GRID1: variants seen among roughly 807,000 people sequenced by gnomAD.
GRID1 encodes the protein glutamate receptor ionotropic, delta-1.
Under a neutral mutation model 98.0 loss-of-function variants are expected in GRID1, and 28 were observed. The ratio of observed to expected loss-of-function variants is 0.29; its 90% CI spans 0.21 to 0.39. GRID1 has a LOEUF of 0.39. GRID1 is among the 10% of genes least tolerant of loss of function. The pLI is 1.00. For missense variants in GRID1, 1,111 were observed against 1,340.5 expected, an observed-to-expected ratio of 0.83 and a Z score of 2.67; for synonymous variants, 553 against 538.5, an observed-to-expected ratio of 1.03 and a Z score of -0.37.
At chr10:86,031,883 C>A (rs1387681756) in intron 4 of GRID1, among the ~76,000 whole-genome samples, 2 of 152,200 alleles carry the variant, frequency 1.3e-5, no homozygotes, top group African/African-American at 2.4e-5. Context: ...AGAGTCTTTG[C>A]ACTGGCTGTT....
At chr10:86,154,860 C>T (rs1845222547) in intron 3 of GRID1, among the ~76,000 whole-genome samples, 1 of 152,110 alleles carries the variant, frequency 6.6e-6, no homozygotes, top group Admixed American at 6.5e-5. Context: ...GGGGACACCC[C>T]AGCAGTGCAC....
chr10:85,769,294 T>C (rs1842230132), intron 8 of GRID1, among the ~76,000 whole-genome samples: 1 of 152,106 alleles, frequency 6.6e-6, no homozygotes, highest in Admixed American at 6.5e-5. Context: ...CACTCATAAG[T>C]GGGAGATAAA....
At position 86,138,841 on chromosome 10, in the gene GRID1, C is replaced by T. The variant is rs781500570; in HGVS notation, c.704G>A (p.Gly235Glu). 6.2e-7 allele frequency: 1 copy of T among 1,614,146 alleles called. No homozygotes were observed. The highest frequency in any genetic ancestry group is 8.5e-7 in the Non-Finnish European group (1 of 1,179,998). ...TACCTCGTTGATGAAGGAGTGGGCT[C>T]CCTGTGGGCTGAGCAGCAGGATGGC... ...RRAILLLSPQ[G>E]AHSFINEAVE... Residue 235 changes from glycine (G) to glutamate (E), a missense_variant, in exon 4 of 16, where the codon GGA (glycine) becomes GAA (glutamate). By Grantham distance (98) the Gly-to-Glu change is moderately conservative. Coordinates refer to ENST00000327946, the MANE Select transcript of GRID1 (RefSeq NM_017551.3).
At position 86,252,704 on chromosome 10, in the gene GRID1, C is replaced by T. The variant is rs146669331; in HGVS notation, c.236-46056G>A. 4.7e-4 allele frequency among the ~76,000 whole-genome samples: 72 copies of T among 152,258 alleles called. 1 individual carries two copies. The East Asian group carries it at 0.013, about 28-fold the overall frequency. The stretch of plus-strand genomic sequence containing the variant: ...GACACCATCTGATGCCTACTGTGGT[C>T]GAGTGGTGGAAGGATGTATTTACAT... On this transcript the variant is annotated intron_variant, in intron 2 of 15. Coordinates refer to ENST00000327946, the MANE Select transcript of GRID1 (RefSeq NM_017551.3).
At chr10:85,760,696 A>G (rs561007878) in intron 8 of GRID1, among the ~76,000 whole-genome samples, 2 of 152,296 alleles carry the variant, frequency 1.3e-5, no homozygotes, top group South Asian at 4.1e-4. Context: ...CACGTTCTAT[A>G]GTGTCTCAAG....
chr10:85,701,485 A>C (rs1215213328), intron 12 of GRID1, among the ~76,000 whole-genome samples: 1 of 152,172 alleles, frequency 6.6e-6, no homozygotes, highest in Non-Finnish European at 1.5e-5. Context: ...TGGGGCAAAA[A>C]ACTCAAAAGA....
intron 4 of GRID1, among the ~76,000 whole-genome samples, chr10:85,950,382 G>C (rs1049995399): frequency 7.2e-5 from 11 of 152,292 alleles, no homozygotes; most frequent in African/African-American, 2.6e-4. Flanking sequence ...TAGCCAGAGA[G>C]GGTACAGCTC....
chr10:86,066,519 G>A (rs1843722389), intron 4 of GRID1, among the ~76,000 whole-genome samples: 1 of 152,196 alleles, frequency 6.6e-6, no homozygotes, highest in Admixed American at 6.5e-5. Flanking sequence ...ATAAGTGGCA[G>A]AGCTGAGGGA....
intron 4 of GRID1, among the ~76,000 whole-genome samples, chr10:86,118,744 T>C (rs536442923): frequency 3.3e-5 from 5 of 152,336 alleles, no homozygotes; most frequent in South Asian, 2.1e-4. Context: ...GTCATGTTAA[T>C]AGTAAGTACC....
At position 86,366,492 on chromosome 10, in the gene GRID1, C is replaced by G. The variant is rs1848683209; in HGVS notation, c.-100G>C. 2 of 669,360 alleles carry G rather than the reference C, an allele frequency of 3.0e-6. No individual in the cohort carries two copies. Among genetic ancestry groups the G allele is most frequent in the Non-Finnish European group, 4.2e-6 (2 of 477,032 alleles). The allele number at this position is 669,360 out of a possible 1,614,324, so 41.5% of individuals were successfully genotyped here. ...TCCCGGTGCAGTCCCGGGCCGCTCC[C>G]CGGGAGAGCCGAGCCCGCCCGTGCG... On this transcript the variant is annotated 5_prime_UTR_variant, in exon 1 of 16. Transcript: ENST00000327946. This position sits in a 1 kb window ranked among gnomAD's most constrained non-coding sequence, Gnocchi z 4.1.
At chr10:86,095,918 T>C (rs1844215096) in intron 4 of GRID1, among the ~76,000 whole-genome samples, 1 of 152,172 alleles carries the variant, frequency 6.6e-6, no homozygotes, top group Admixed American at 6.5e-5. Flanking sequence ...CACACACATG[T>C]TTATAGCAGC....
intron 8 of GRID1, among the ~76,000 whole-genome samples, chr10:85,827,738 G>C (rs1309344521): frequency 6.7e-6 from 1 of 150,370 alleles, no homozygotes; most frequent in East Asian, 1.9e-4. Flanking sequence ...GATTCAACAA[G>C]AAGACCTAAC....
At chr10:85,921,335 T>C (rs941180544) in intron 4 of GRID1, among the ~76,000 whole-genome samples, 1 of 152,174 alleles carries the variant, frequency 6.6e-6, no homozygotes, top group African/African-American at 2.4e-5. Flanking sequence ...CAGCTGTTCT[T>C]CCCACGTCTG....
chr10:85,650,866 G>A (rs1004100418), intron 12 of GRID1, among the ~76,000 whole-genome samples: 24 of 152,304 alleles, frequency 1.6e-4, no homozygotes, highest in African/African-American at 5.8e-4. Context: ...CCAAAAATAT[G>A]TAGGTGATGG....
At chr10:86,061,614 C>A (rs907489819) in intron 4 of GRID1, among the ~76,000 whole-genome samples, 1 of 152,132 alleles carries the variant, frequency 6.6e-6, no homozygotes, top group African/African-American at 2.4e-5. Context: ...GCTGCTGCTC[C>A]CCCAGACCCC....
At chr10:85,789,979 C>G (rs1842463725) in intron 8 of GRID1, among the ~76,000 whole-genome samples, 1 of 152,228 alleles carries the variant, frequency 6.6e-6, no homozygotes, top group Non-Finnish European at 1.5e-5. Context: ...ACCTGCTCTT[C>G]CATCTCCGGA....
chr10:86,008,034 C>G (rs1186569898), intron 4 of GRID1, among the ~76,000 whole-genome samples: 1 of 151,986 alleles, frequency 6.6e-6, no homozygotes, highest in Non-Finnish European at 1.5e-5. Flanking sequence ...GGGTAAGAGA[C>G]AGTGTATGGG....
At chr10:86,347,661 C>T (rs924323507) in intron 2 of GRID1, among the ~76,000 whole-genome samples, 1 of 152,208 alleles carries the variant, frequency 6.6e-6, no homozygotes, top group Admixed American at 6.5e-5. Context: ...GAGGCAGAGT[C>T]CTGTGGATAC....
intron 8 of GRID1, among the ~76,000 whole-genome samples, chr10:85,788,034 T>C (rs1047326664): frequency 2.0e-5 from 3 of 148,074 alleles, no homozygotes; most frequent in Admixed American, 1.4e-4. Context: ...TCGGTCACCC[T>C]CTGGAGACTA....
Sources: gnomAD v4.1 joint callset for allele counts (sites outside exome capture counted in the v4.1 genomes callset) on GRCh38, gnomAD v4.1.1 for gene constraint, Gnocchi (gnomAD v3.1) non-coding constraint, MANE v1.5 for transcripts, NCBI Gene and HGNC (gene_info 2026-07-23, HGNC 2026-07-21) for gene names.